The following CCER2 variants were observed in gnomAD, a reference collection of about 807,000 sequenced individuals.
The protein encoded by CCER2 is coiled-coil glutamate rich protein 2.
In CCER2, 20 loss-of-function variants were observed where a neutral mutation model predicts 27.1. The ratio of observed to expected loss-of-function variants is 0.74; its 90% CI spans 0.52 to 1.07. CCER2 has a LOEUF of 1.07. CCER2 is among the 50% of genes least tolerant of loss of function. The pLI, the probability that CCER2 is intolerant of heterozygous loss-of-function variation, is 0.00. For synonymous variants in CCER2, 140 were observed against 144.3 expected (o/e 0.97, Z 0.21); for missense variants, 351 against 344.7 (o/e 1.02, Z -0.14).
In CCER2 at chr19:38,909,218, G is replaced by A. The variant is rs934232787; in HGVS notation, c.*18C>T. 5.9e-6 allele frequency: 9 copies of A among 1,534,850 alleles called. No individual in the cohort carries two copies. Among genetic ancestry groups the A allele is most frequent in the East Asian group, 2.4e-5 (1 of 40,902 alleles). On this transcript the variant is annotated 3_prime_UTR_variant, in exon 5 of 5. Transcript: ENST00000571838. ...AGCCACAGGGTGTGTCAGGAGGAAG[G>A]AGGGACTGAGGTAGGGGTCAGCCCT...
At chr19:38,911,485 G>T in intron 3 of CCER2, 81 bp downstream of exon 3, 2 of 1,196,636 alleles carry the variant, frequency 1.7e-6, no homozygotes, top group Non-Finnish European at 2.4e-6. Flanking sequence ...GAGCATGTGG[G>T]CACCTGGGCA....
rs1974288615 is a variant in CCER2 at position 38,910,700 on chromosome 19, C to G, written c.574G>C (p.Gly192Arg). Residue 192 changes from glycine to arginine, a missense_variant, in exon 4 of 5, where the codon GGC becomes CGC. By Grantham distance (125) the Gly-to-Arg change is moderately radical (BLOSUM62 -2). Transcript: ENST00000571838. ...CCCTGCCACAGGCTGCGGTCCCCGCCCAGCACCCGCACCCCCTTCTCCTCT... is the reference window on the plus strand; with the variant it reads ...CCCTGCCACAGGCTGCGGTCCCCGCGCAGCACCCGCACCCCCTTCTCCTCT... The part of the protein sequence containing the change: ...QAEEKGVRVL[G>R]GDRSLWQGAE... 1 of 1,533,122 alleles carries G rather than the reference C, an allele frequency of 6.5e-7. No homozygotes were observed. The allele number at this position is 1,533,122 out of a possible 1,614,324, so 95.0% of individuals were successfully genotyped here.
At position 38,911,087 on chromosome 19, in the gene CCER2, G is replaced by A. The variant is rs1482054047; in HGVS notation, c.191-4C>T. 2.8e-6 allele frequency: 4 copies of A among 1,414,554 alleles called. No homozygotes were observed. Among genetic ancestry groups the A allele is most frequent in the Non-Finnish European group, 3.7e-6 (4 of 1,087,904 alleles). 87.6% of individuals were successfully genotyped at this position (1,414,554 alleles called of 1,614,324 possible). A position where few individuals can be genotyped will look rare whatever the true frequency, so the allele number is the denominator to read the frequency against. ...TGGGGCTCTGTCCCGCACAACTCTGGCAGAAAGGGAAAGGACACTCTCTAA... is the reference window on the plus strand; with the variant it reads ...TGGGGCTCTGTCCCGCACAACTCTGACAGAAAGGGAAAGGACACTCTCTAA... On this transcript the variant is annotated splice_polypyrimidine_tract_variant and splice_region_variant and intron_variant, in intron 3 of 4. Transcript: ENST00000571838.
Position 38,911,784 on chromosome 19 carries a change from G to A in CCER2, c.102+28C>T, listed in dbSNP as rs1974313253. 7 of 1,534,732 alleles carry A rather than the reference G, an allele frequency of 4.6e-6. No individual in the cohort carries two copies. In the South Asian group the frequency reaches 8.3e-5, roughly 18 times the overall value. ...GGAGGGCAGGGCCCCAGCTAGGTGA[G>A]GCAGGGCAAGGCCTCCACACTCCTC... On this transcript the variant is annotated intron_variant, in intron 2 of 4. Coordinates refer to ENST00000571838, the MANE Select transcript of CCER2 (RefSeq NM_001243212.2).
chr19:38,911,698 G>A, intron 2 of CCER2, 45 bp from the exon 3 acceptor site: 1 of 1,528,452 alleles, frequency 6.5e-7, no homozygotes, highest in Non-Finnish European at 8.8e-7. Flanking sequence ...TGAGGGCAGG[G>A]GAGATGGGGA....
Position 38,909,138 on chromosome 19 carries a change from G to A in CCER2, c.*98C>T, listed in dbSNP as rs1199524589. 1.6e-6 allele frequency: 2 copies of A among 1,275,570 alleles called. No homozygotes were observed. The highest frequency in any genetic ancestry group is 1.5e-5 in the African/African-American group (1 of 68,020). The allele number at this position is 1,275,570 out of a possible 1,614,324, so 79.0% of individuals were successfully genotyped here. A position where few individuals can be genotyped will look rare whatever the true frequency, so the allele number is the denominator to read the frequency against. ...CACGTCCGCCTCCTCCCCTGTTTGG[G>A]TAGGGGTGGCGTGGGGTGCTAGGTG... On this transcript the variant is annotated 3_prime_UTR_variant, in exon 5 of 5. Coordinates refer to ENST00000571838, the MANE Select transcript of CCER2 (RefSeq NM_001243212.2).
In CCER2 at chr19:38,909,294, C is replaced by A; in HGVS notation, c.743G>T (p.Arg248Ile). 1 of 1,535,544 alleles carries A rather than the reference C, an allele frequency of 6.5e-7. No individual in the cohort carries two copies. Among genetic ancestry groups the A allele is most frequent in the Non-Finnish European group, 8.7e-7 (1 of 1,146,750 alleles). Residue 248 changes from arginine (R) to isoleucine (I), a missense_variant, in exon 5 of 5, where the codon AGA becomes ATA. By Grantham distance (97) the Arg-to-Ile change is moderately conservative (BLOSUM62 -3). Transcript: ENST00000571838. Reference protein sequence around the residue: ...EKEVEQLEHLRDELKKVTETL... With the variant: ...EKEVEQLEHLIDELKKVTETL... ...CTCTGTCACCTTCTTCAGTTCGTCT[C>A]TCAAGTGCTCCAGCTGCTCCACCTC...
In CCER2 at chr19:38,909,241, C is replaced by T. The variant is rs1453633386; in HGVS notation, c.796G>A (p.Gly266Ser). The T allele has an allele frequency of 1.3e-6, 2 of 1,535,294 alleles. No homozygotes were observed. Among genetic ancestry groups the T allele is most frequent in the East Asian group, 2.4e-5 (1 of 40,914 alleles). The stretch of plus-strand genomic sequence containing the variant: ...AGGAGGGACTGAGGTAGGGGTCAGC[C>T]CTCCCTCCTGAGCTGCTCCCCCAGC... ...ETLGEQLRREG is the reference protein window; with the variant it reads ...ETLGEQLRRES The change falls in exon 5 of 5, where the codon GGC becomes AGC. Residue 266 changes from glycine to serine, a missense_variant. Coordinates refer to ENST00000571838, the MANE Select transcript of CCER2 (RefSeq NM_001243212.2).
chr19:38,909,053 CAG>C lies in CCER2; in HGVS notation c.*181_*182del, dbSNP rs1006148141. 2.1e-6 allele frequency: 2 copies of C among 934,878 alleles called. No homozygotes were observed. Among genetic ancestry groups the C allele is most frequent in the Non-Finnish European group, 3.1e-6 (2 of 638,730 alleles). The allele number at this position is 934,878 out of a possible 1,614,324, so 57.9% of individuals were successfully genotyped here. Reference sequence around the variant, plus strand: ...ATAGGTGTGGGGGTGCTTCCTGTGTCAGGGCTGAGCCCAGCCCCCGGCCCAGC... The same window carrying C: ...ATAGGTGTGGGGGTGCTTCCTGTGTCGGCTGAGCCCAGCCCCCGGCCCAGC... On this transcript the variant is annotated 3_prime_UTR_variant, in exon 5 of 5. Coordinates refer to ENST00000571838, the MANE Select transcript of CCER2 (RefSeq NM_001243212.2).
intron 4 of CCER2, among the ~76,000 whole-genome samples, chr19:38,909,547 T>G (rs17883377): frequency 1.5e-3 from 232 of 152,112 alleles, no homozygotes; most frequent in African/African-American, 5.3e-3. Flanking sequence ...CTGGCAAAGG[T>G]GCCTGGGATG....
Position 38,910,604 on chromosome 19 carries a change from C to G in CCER2, c.670G>C (p.Ala224Pro). ...TCCTCCTTCTCCTGCCTGGGCTCAG[C>G]CTCTGGCTGGTGGTGGTGGTGGTGG... is the stretch of plus-strand genomic sequence containing the variant. The part of the protein sequence containing the change: ...HHHHHHHQPE[A>P]EPRQEKEEAS... Residue 224 changes from alanine (A) to proline (P), a missense_variant, in exon 4 of 5, where the codon GCT (alanine) becomes CCT (proline). Transcript: ENST00000571838. 6.6e-7 allele frequency: 1 copy of G among 1,516,550 alleles called. No individual in the cohort carries two copies. 93.9% of individuals were successfully genotyped at this position (1,516,550 alleles called of 1,614,324 possible). A position where few individuals can be genotyped will look rare whatever the true frequency, so the allele number is the denominator to read the frequency against.
At chr19:38,910,468 G>A (rs148612448) in intron 4 of CCER2, 95 bp downstream of exon 4, 1 of 1,412,812 alleles carries the variant, frequency 7.1e-7, no homozygotes, top group South Asian at 1.6e-5. Flanking sequence ...GGTGGTGCAG[G>A]GCCAACACCG....
Position 38,912,122 on chromosome 19 carries a change from G to A in CCER2, c.37C>T (p.Leu13=), listed in dbSNP as rs1974320688. Residue 13 remains leucine, a synonymous_variant, in exon 1 of 5, where the codon CTG becomes TTG. Coordinates refer to ENST00000571838, the MANE Select transcript of CCER2 (RefSeq NM_001243212.2). ...CCCGCCCCCAGCAGGAGCAGCCGCA[G>A]CAGCAGCAGCTCAGAGGCTGGCCCT... is the stretch of plus-strand genomic sequence containing the variant. ...PRGPASELLL[L]RLLLLGAATA... is the part of the protein sequence containing the mutation. The A allele has an allele frequency of 2.6e-6, 4 of 1,514,930 alleles. No homozygotes were observed. Among genetic ancestry groups the A allele is most frequent in the Non-Finnish European group, 3.5e-6 (4 of 1,138,082 alleles). 93.8% of individuals were successfully genotyped at this position (1,514,930 alleles called of 1,614,324 possible). A position where few individuals can be genotyped will look rare whatever the true frequency, so the allele number is the denominator to read the frequency against.
intron 1 of CCER2, 27 bp downstream of exon 1, chr19:38,912,071 C>A: frequency 1.3e-6 from 2 of 1,525,124 alleles, no homozygotes. Context: ...CCTGGCAGGT[C>A]CCGCACTCGG....
chr19:38,911,260 T>C (rs1255159667), intron 3 of CCER2, among the ~76,000 whole-genome samples, 177 bp from the exon 4 acceptor site: 2 of 152,250 alleles, frequency 1.3e-5, no homozygotes, highest in Non-Finnish European at 2.9e-5. Flanking sequence ...GCCGAAGGTC[T>C]CACAGGGGGG....
intron 4 of CCER2, among the ~76,000 whole-genome samples, chr19:38,910,247 GTC>G (rs933225845): frequency 6.6e-6 from 1 of 152,170 alleles, no homozygotes; most frequent in African/African-American, 2.4e-5. Flanking sequence ...CAGCAATGGT[GTC>G]TGTCTGTCAC....
In CCER2 at chr19:38,909,988, TCAGCCTCCTGAGA is replaced by T. The variant is rs1974272305; in HGVS notation, c.711+562_711+574del. ...CCCGGGTTCAAGCAATCCCACCACC[TCAGCCTCCTGAGA>T]GCTGGGACCACAGGCGTGCGCCACC... On this transcript the variant is annotated intron_variant, in intron 4 of 4. Transcript: ENST00000571838. Among the ~76,000 whole-genome samples the T allele has an allele frequency of 7.3e-5, 11 of 151,174 alleles. 1 individual carries two copies. Among genetic ancestry groups the T allele is most frequent in the Admixed American group, 7.3e-4 (11 of 15,132 alleles).
chr19:38,910,397 G>C (rs563299211), intron 4 of CCER2, among the ~76,000 whole-genome samples, 166 bp downstream of exon 4: 1 of 152,316 alleles, frequency 6.6e-6, no homozygotes, highest in Non-Finnish European at 1.5e-5. Flanking sequence ...GGCCTTGCAC[G>C]GAAGTTGTTA....
Position 38,909,343 on chromosome 19 carries a change from G to A in CCER2, c.712-18C>T, listed in dbSNP as rs995057146. On this transcript the variant is annotated intron_variant, in intron 4 of 4. Coordinates refer to ENST00000571838, the MANE Select transcript of CCER2 (RefSeq NM_001243212.2). ...TCCTTTTCCTGGTGGGGTCAGAAAC[G>A]GGGTAGTCAGCACCCACCTTCAAAG... is the stretch of plus-strand genomic sequence containing the variant. 7.2e-6 allele frequency: 11 copies of A among 1,534,902 alleles called. No homozygotes were observed. Among genetic ancestry groups the A allele is most frequent in the African/African-American group, 5.5e-5 (4 of 73,004 alleles).
Sources: allele counts gnomAD v4.1 joint callset (sites outside exome capture counted in the v4.1 genomes callset), GRCh38; gene constraint gnomAD v4.1.1; transcripts MANE v1.5; gene names NCBI Gene and HGNC (gene_info 2026-07-23, HGNC 2026-07-21).